USP4: variants seen among roughly 807,000 people sequenced by gnomAD.
The protein encoded by USP4 is ubiquitin carboxyl-terminal hydrolase 4.
USP4 carries 72 observed loss-of-function variants against 118.2 expected under a neutral mutation model. That is an observed-to-expected ratio of 0.61 (90% CI 0.50 to 0.74). The LOEUF is 0.74. Ranked by LOEUF, USP4 falls within the 30% of genes least tolerant of loss-of-function variation. USP4 has a pLI of 0.00. For synonymous variants in USP4, 415 were observed against 440.4 expected, an observed-to-expected ratio of 0.94 and a Z score of 0.72; for missense variants, 1,037 against 1,185.7, an observed-to-expected ratio of 0.87 and a Z score of 1.84.
At chr3:49,284,719 T>C (rs1405842863) in intron 17 of USP4, 130 bp downstream of exon 17, 1 of 1,238,956 alleles carries the variant, frequency 8.1e-7, no homozygotes, top group Non-Finnish European at 1.2e-6. Context: ...GACAAAATCT[T>C]GAAGTGCTTT....
chr3:49,339,165 A>C (rs1189841370), intron 1 of USP4, among the ~76,000 whole-genome samples: 1 of 152,136 alleles, frequency 6.6e-6, no homozygotes, highest in South Asian at 2.1e-4. Flanking sequence ...AACAAAACAA[A>C]CAAGATGGGT....
At chr3:49,338,263 C>T (rs2047692814) in intron 1 of USP4, among the ~76,000 whole-genome samples, 1 of 152,052 alleles carries the variant, frequency 6.6e-6, no homozygotes, top group Admixed American at 6.6e-5. Context: ...ATCCCTTGAG[C>T]AATACCTTCC....
chr3:49,298,507 G>T, intron 12 of USP4, 45 bp downstream of exon 12: 1 of 1,586,488 alleles, frequency 6.3e-7, no homozygotes, highest in South Asian at 1.1e-5. Context: ...CAAATGCTAT[G>T]AAGTATCCCA....
rs2047253114 is a variant in USP4 at position 49,300,508 on chromosome 3, C to A, written c.1471G>T (p.Val491Phe). The A allele has an allele frequency of 6.2e-7, 1 of 1,614,128 alleles. No homozygotes were observed. Among genetic ancestry groups the A allele is most frequent in the Admixed American group, 1.7e-5 (1 of 59,982 alleles). The change falls in exon 11 of 22, where the codon GTT becomes TTT. Residue 491 changes from valine (V) to phenylalanine (F), a missense_variant. Around this residue, in one of 3 missense-constraint regions of USP4, gnomAD observed 522 missense variants for 592.6 expected, o/e 0.88. Transcript: ENST00000265560. ...TGAGGGTCAGCAGGAACCAGGAAAA[C>A]CTCCATAACTCGATCTTTCTTCAAG... ...LPLKKDRVMEVFLVPADPHCR... is the reference protein window; with the variant it reads ...LPLKKDRVMEFFLVPADPHCR...
Position 49,340,049 on chromosome 3 carries a change from G to T in USP4, c.-25C>A. ...TCTCCTCCGCGGCCCCGGCCCAGCC[G>T]GCCCGGACATCCGCCCCGCGCGCGG... On this transcript the variant is annotated 5_prime_UTR_variant, in exon 1 of 22. Coordinates refer to ENST00000265560, the MANE Select transcript of USP4 (RefSeq NM_003363.4). 3 of 1,595,498 alleles carry T rather than the reference G, an allele frequency of 1.9e-6. No individual in the cohort carries two copies. Among genetic ancestry groups the T allele is most frequent in the Non-Finnish European group, 2.6e-6 (3 of 1,174,708 alleles).
rs773922770 is a variant in USP4 at position 49,325,803 on chromosome 3, C to T, written c.403G>A (p.Val135Met). ...CAGAGCTTCAGTTCCAGCAAATACA[C>T]CTCGACTTTGCAGTGCTTGACAAAC... is the stretch of plus-strand genomic sequence containing the variant. ...GLFVKHCKVE[V>M]YLLELKLCEN... The change falls in exon 4 of 22, where the codon GTG becomes ATG. Residue 135 changes from valine to methionine, a missense_variant. Val to Met is a conservative substitution (Grantham distance 21). This residue lies in a region of USP4 where 487 missense variants were observed against 534.1 expected (regional missense o/e 0.91). Coordinates refer to ENST00000265560, the MANE Select transcript of USP4 (RefSeq NM_003363.4). The T allele has an allele frequency of 6.2e-7, 1 of 1,613,986 alleles. No individual in the cohort carries two copies. Among genetic ancestry groups the T allele is most frequent in the Admixed American group, 1.7e-5 (1 of 60,016 alleles).
chr3:49,307,063 C>G (rs1054331312), intron 8 of USP4, among the ~76,000 whole-genome samples: 1 of 152,098 alleles, frequency 6.6e-6, no homozygotes, highest in South Asian at 2.1e-4. Context: ...GGAGCCACCG[C>G]GCCCAGCCGG....
chr3:49,310,807 G>A lies in USP4; in HGVS notation c.837-70C>T, dbSNP rs140649945. 410 of 1,226,740 alleles carry A rather than the reference G, an allele frequency of 3.3e-4. 2 individuals carry two copies. In the African/African-American group the frequency reaches 5.6e-3, roughly 17 times the overall value. 76.0% of individuals were successfully genotyped at this position (1,226,740 alleles called of 1,614,324 possible). On this transcript the variant is annotated intron_variant, in intron 7 of 21. Transcript: ENST00000265560. ...ACATGCCCTCAAGATGCTTTTTGAG[G>A]CTCCTATGGGGGCCTCTAGAACTTG...
chr3:49,306,014 G>T lies in USP4; in HGVS notation c.955-126C>A, dbSNP rs1319253453. 5.3e-6 allele frequency: 5 copies of T among 940,466 alleles called. No individual in the cohort carries two copies. In the African/African-American group the frequency reaches 6.8e-5, roughly 13 times the overall value. 58.3% of individuals were successfully genotyped at this position (940,466 alleles called of 1,614,324 possible). A position where few individuals can be genotyped will look rare whatever the true frequency, so the allele number is the denominator to read the frequency against. On this transcript the variant is annotated intron_variant, in intron 8 of 21. Coordinates refer to ENST00000265560, the MANE Select transcript of USP4 (RefSeq NM_003363.4). ...AAATGAGGCACTCAGGAGATTCTCT[G>T]AAGGCTCACGACAGTAAAGCACAGC...
rs767145406 is a variant in USP4 at position 49,284,448 on chromosome 3, C to T, written c.2390+18G>A. 3.3e-5 allele frequency: 53 copies of T among 1,603,578 alleles called. No homozygotes were observed. The highest frequency in any genetic ancestry group is 4.4e-5 in the Non-Finnish European group (51 of 1,171,726). ...GGGGTGCATGGGGCCTCTGCCCAGACAGTGAGGAGCTGCGTACCAGGGGTC... is the reference window on the plus strand; with the variant it reads ...GGGGTGCATGGGGCCTCTGCCCAGATAGTGAGGAGCTGCGTACCAGGGGTC... On this transcript the variant is annotated intron_variant, in intron 18 of 21. Transcript: ENST00000265560.
intron 8 of USP4, among the ~76,000 whole-genome samples, chr3:49,306,605 AC>A (rs2047322016): frequency 6.6e-6 from 1 of 152,016 alleles, no homozygotes; most frequent in Non-Finnish European, 1.5e-5. Context: ...TGAAATTTTA[AC>A]CCTTTTTGCC....
chr3:49,278,703 G>T, intron 21 of USP4, 111 bp downstream of exon 21: 1 of 930,600 alleles, frequency 1.1e-6, no homozygotes, highest in Non-Finnish European at 1.7e-6. Flanking sequence ...GTCACACCTA[G>T]CTCCCACTAT....
In USP4 at chr3:49,324,969, T is replaced by C. The variant is rs1173865376; in HGVS notation, c.558A>G (p.Lys186=). The C allele has an allele frequency of 5.6e-6, 9 of 1,614,108 alleles. No individual in the cohort carries two copies. The highest frequency in any genetic ancestry group is 7.6e-6 in the Non-Finnish European group (9 of 1,180,020). ...PAERETRLWN[K]YMSNTYEQLS... The stretch of plus-strand genomic sequence containing the variant: ...ACTGCTCGTAGGTGTTGCTCATGTA[T>C]TTGTTCCAGAGCCGTGTTTCACGCT... The change falls in exon 5 of 22, where the codon AAA becomes AAG. Residue 186 remains lysine (K), a synonymous_variant. Coordinates refer to ENST00000265560, the MANE Select transcript of USP4 (RefSeq NM_003363.4).
At position 49,284,582 on chromosome 3, in the gene USP4, G is replaced by A. The variant is rs998715873; in HGVS notation, c.2274C>T (p.Ala758=). 4.3e-6 allele frequency: 7 copies of A among 1,613,628 alleles called. No homozygotes were observed. The highest frequency in any genetic ancestry group is 1.7e-5 in the Admixed American group (1 of 59,982). Residue 758 remains alanine, a splice_region_variant and synonymous_variant, in exon 18 of 22, where the codon GCC becomes GCT. Coordinates refer to ENST00000265560, the MANE Select transcript of USP4 (RefSeq NM_003363.4). ...RLYYDEQESE[A]YEKHVSMLQP... is the part of the protein sequence containing the mutation. ...GCAACATGCTCACATGCTTCTCGTAGGCCTATGGGAATCAAAGCACTCAGT... is the reference window on the plus strand; with the variant it reads ...GCAACATGCTCACATGCTTCTCGTAAGCCTATGGGAATCAAAGCACTCAGT...
intron 14 of USP4, among the ~76,000 whole-genome samples, chr3:49,292,978 C>T (rs1451531285): frequency 6.6e-6 from 1 of 151,976 alleles, no homozygotes; most frequent in African/African-American, 2.4e-5. Flanking sequence ...TGCAGTGAGC[C>T]GAGATCATGC....
rs1275522608 is a variant in USP4, at chr3:49,281,489, T to TAC, written c.2541-643_2541-642insGT. Among the ~76,000 whole-genome samples, 788 of 109,072 alleles carry TAC rather than the reference T, an allele frequency of 7.2e-3. 2 individuals carry two copies. The highest frequency in any genetic ancestry group is 8.5e-3 in the African/African-American group (253 of 29,926). The allele number at this position is 109,072 out of a possible 152,430, so 71.6% of individuals were successfully genotyped here. ...AAAAAAGTATGTGTATATATATATATATACACACACACACACACACACACA... is the reference window on the plus strand; with the variant it reads ...AAAAAAGTATGTGTATATATATATATACATACACACACACACACACACACACA... On this transcript the variant is annotated intron_variant, in intron 19 of 21. Coordinates refer to ENST00000265560, the MANE Select transcript of USP4 (RefSeq NM_003363.4).
chr3:49,301,883 T>C (rs373889551), intron 10 of USP4, among the ~76,000 whole-genome samples: 31 of 152,216 alleles, frequency 2.0e-4, no homozygotes, highest in African/African-American at 6.0e-4. Flanking sequence ...ATAAATGTCC[T>C]AATGATACTA....
intron 20 of USP4, 21 bp from the exon 21 acceptor site, chr3:49,278,923 ATACTC>A (rs1007193680): frequency 3.9e-6 from 6 of 1,552,366 alleles, no homozygotes; most frequent in Admixed American, 3.5e-5. Context: ...AACAAAGAAA[ATACTC>A]TAGCGGTCTC....
At chr3:49,329,997 A>G in intron 2 of USP4, among the ~76,000 whole-genome samples, 1 of 151,830 alleles carries the variant, frequency 6.6e-6, no homozygotes, top group Non-Finnish European at 1.5e-5. Context: ...AAAATTAGCC[A>G]GGTGGAGGGA....
Sources: gnomAD v4.1 joint callset for allele counts (sites outside exome capture counted in the v4.1 genomes callset) on GRCh38, gnomAD v4.1.1 for gene constraint, gnomAD v4.1.1 regional missense constraint, MANE v1.5 for transcripts, NCBI Gene and HGNC (gene_info 2026-07-23, HGNC 2026-07-21) for gene names.